The following CDH18 variants were observed in gnomAD, a reference collection of about 807,000 sequenced individuals.
CDH18 encodes the protein cadherin-18.
A neutral mutation model predicts 67.9 loss-of-function variants in CDH18; 31 were observed. The observed-to-expected ratio is 0.46, with a 90% CI of 0.34 to 0.62. The LOEUF (loss-of-function observed/expected upper bound fraction) is 0.62, where lower values mean the gene tolerates loss of function less well. Ranked by LOEUF, CDH18 falls within the 20% of genes least tolerant of loss-of-function variation. The pLI is 0.01. For synonymous variants in CDH18, 362 were observed against 347.2 expected, an observed-to-expected ratio of 1.04 and a Z score of -0.48; for missense variants, 890 against 975.5, an observed-to-expected ratio of 0.91 and a Z score of 1.17.
At chr5:19,851,767 G>A (rs55742630) in intron 2 of CDH18, among the ~76,000 whole-genome samples, 3,092 of 151,346 alleles carry the variant, frequency 0.02, 101 homozygotes, top group African/African-American at 0.068. Context: ...GTGTGTGTGT[G>A]TATATATATA....
chr5:19,509,071 G>A (rs1744705542), intron 10 of CDH18, among the ~76,000 whole-genome samples: 1 of 151,908 alleles, frequency 6.6e-6, no homozygotes, highest in Non-Finnish European at 1.5e-5. Context: ...TTTTTGCTAT[G>A]TTGGCCAGGC....
At chr5:19,908,929 A>G (rs1431816609) in intron 2 of CDH18, among the ~76,000 whole-genome samples, 2 of 152,140 alleles carry the variant, frequency 1.3e-5, no homozygotes, top group Admixed American at 6.5e-5. Context: ...TGCAGTGGAT[A>G]AGAGCCAAAC....
rs965074062 is a variant in CDH18, at chr5:20,400,559, G to C, written c.-579-145054C>G. 6.6e-5 allele frequency among the ~76,000 whole-genome samples: 10 copies of C among 150,692 alleles called. No homozygotes were observed. In the East Asian group the frequency reaches 2.0e-3, roughly 29 times the overall value. ...GTGGATCACTTGAGGCCGGGAGATTGAGACCAGCCTGGCCAACATGCCATG... is the reference window on the plus strand; with the variant it reads ...GTGGATCACTTGAGGCCGGGAGATTCAGACCAGCCTGGCCAACATGCCATG... On this transcript the variant is annotated intron_variant, in intron 1 of 14. Transcript: ENST00000507958.
At chr5:20,155,320 T>C (rs1039271840) in intron 2 of CDH18, among the ~76,000 whole-genome samples, 1 of 152,156 alleles carries the variant, frequency 6.6e-6, no homozygotes, top group South Asian at 2.1e-4. Context: ...TACACGTATT[T>C]TTTAATTTTT....
intron 4 of CDH18, among the ~76,000 whole-genome samples, chr5:19,724,333 GT>G (rs1252804587): frequency 6.6e-6 from 1 of 152,048 alleles, no homozygotes; most frequent in African/African-American, 2.4e-5. Context: ...TGAATAACAA[GT>G]TATTATTTTC....
At chr5:19,523,912 A>G (rs1349511479) in intron 9 of CDH18, among the ~76,000 whole-genome samples, 1 of 152,140 alleles carries the variant, frequency 6.6e-6, no homozygotes, top group African/African-American at 2.4e-5. Flanking sequence ...CATACAGAAA[A>G]TAAATAACAA....
chr5:19,925,292 T>C (rs1384146278), intron 2 of CDH18, among the ~76,000 whole-genome samples: 1 of 152,010 alleles, frequency 6.6e-6, no homozygotes, highest in African/African-American at 2.4e-5. Flanking sequence ...GTAATGTGAG[T>C]GCTTTGTTTC....
chr5:20,461,274 T>C (rs1751245840), intron 1 of CDH18, among the ~76,000 whole-genome samples: 1 of 152,200 alleles, frequency 6.6e-6, no homozygotes, highest in African/African-American at 2.4e-5. Flanking sequence ...GTAACTCCTG[T>C]TGGTGATCTT....
intron 8 of CDH18, among the ~76,000 whole-genome samples, chr5:19,544,401 G>T (rs1371006915): frequency 6.6e-6 from 1 of 152,006 alleles, no homozygotes; most frequent in Middle Eastern, 3.2e-3. Flanking sequence ...AATCCTTGAA[G>T]TCAGAGATGA....
At chr5:19,789,203 C>T (rs1776115202) in intron 3 of CDH18, among the ~76,000 whole-genome samples, 1 of 152,198 alleles carries the variant, frequency 6.6e-6, no homozygotes, top group South Asian at 2.1e-4. Flanking sequence ...TCTGCAAAAG[C>T]TGACTGTTTT....
chr5:19,851,909 T>G (rs2149929894), intron 2 of CDH18, among the ~76,000 whole-genome samples: 1 of 152,104 alleles, frequency 6.6e-6, no homozygotes, highest in East Asian at 1.9e-4. Context: ...AAAATAGAGT[T>G]TTCTATGTTA....
chr5:20,486,051 A>G (rs1471912060), intron 1 of CDH18, among the ~76,000 whole-genome samples: 1 of 152,194 alleles, frequency 6.6e-6, no homozygotes, highest in African/African-American at 2.4e-5. Context: ...ATGAAGGGTT[A>G]AAAGAGTTGC....
chr5:20,089,654 G>A (rs1337332669), intron 2 of CDH18, among the ~76,000 whole-genome samples: 1 of 151,950 alleles, frequency 6.6e-6, no homozygotes, highest in Non-Finnish European at 1.5e-5. Context: ...CAAGATTTTG[G>A]CAAAAGCTGT....
At chr5:20,094,830 A>G (rs1472558306) in intron 2 of CDH18, among the ~76,000 whole-genome samples, 1 of 152,180 alleles carries the variant, frequency 6.6e-6, no homozygotes, top group African/African-American at 2.4e-5. Flanking sequence ...ATTATAAATC[A>G]TTCTACTAAT....
At chr5:20,444,417 T>A (rs748071082) in intron 1 of CDH18, among the ~76,000 whole-genome samples, 18 of 152,186 alleles carry the variant, frequency 1.2e-4, no homozygotes, top group Non-Finnish European at 2.6e-4. Flanking sequence ...GTGCCTGTAA[T>A]CCCAGCTACT....
rs559535165 is a variant in CDH18 at position 20,221,869 on chromosome 5, T to C, written c.-518+33575A>G. ...GGACCTTTTCCAAAGTTCTACCATATCTAAACCTTAAATTAAAATCAAGTT... is the reference window on the plus strand; with the variant it reads ...GGACCTTTTCCAAAGTTCTACCATACCTAAACCTTAAATTAAAATCAAGTT... On this transcript the variant is annotated intron_variant, in intron 2 of 14. Coordinates refer to the CDH18 transcript ENST00000507958. 2.6e-5 allele frequency among the ~76,000 whole-genome samples: 4 copies of C among 152,272 alleles called. No individual in the cohort carries two copies. In the South Asian group the frequency reaches 8.3e-4, roughly 32 times the overall value.
At chr5:20,108,167 G>A (rs112090178) in intron 2 of CDH18, among the ~76,000 whole-genome samples, 1,762 of 152,084 alleles carry the variant, frequency 0.012, 36 homozygotes, top group African/African-American at 0.04. Flanking sequence ...TGCAACCTCC[G>A]CCTCCTGTTT....
rs145213048 is a variant in CDH18 at position 20,007,672 on chromosome 5, AGTGTGTGTGTGTGT to A, written c.-517-15672_-517-15659del. ...ATAGTTTGAAGTGCAGTGTGTGGAA[AGTGTGTGTGTGTGT>A]GTGTGTGTGTGTGTGTGTGTGTGTG... On this transcript the variant is annotated intron_variant, in intron 2 of 14. Coordinates refer to the CDH18 transcript ENST00000507958. 6.1e-4 allele frequency among the ~76,000 whole-genome samples: 86 copies of A among 140,232 alleles called. 1 individual carries two copies. The highest frequency in any genetic ancestry group is 1.5e-3 in the African/African-American group (60 of 39,154). The allele number at this position is 140,232 out of a possible 152,430, so 92.0% of individuals were successfully genotyped here.
intron 1 of CDH18, among the ~76,000 whole-genome samples, chr5:19,982,100 T>C (rs898639904): frequency 2.6e-5 from 4 of 152,228 alleles, no homozygotes; most frequent in Non-Finnish European, 5.9e-5. Flanking sequence ...TTAAAAAATT[T>C]CTACAGGTAG....
Sources: gnomAD v4.1 joint callset for allele counts (sites outside exome capture counted in the v4.1 genomes callset) on GRCh38, gnomAD v4.1.1 for gene constraint, MANE v1.5 for transcripts, NCBI Gene and HGNC (gene_info 2026-07-23, HGNC 2026-07-21) for gene names.